GATAD2A: variants seen among roughly 807,000 people sequenced by gnomAD.
GATAD2A encodes transcriptional repressor p66-alpha.
A neutral mutation model predicts 68.5 loss-of-function variants in GATAD2A; 12 were observed. The ratio of observed to expected loss-of-function variants is 0.18; its 90% CI spans 0.11 to 0.28. The LOEUF (loss-of-function observed/expected upper bound fraction) is 0.28. Ranked by LOEUF, GATAD2A falls within the 10% of genes least tolerant of loss-of-function variation. The pLI is 1.00. For synonymous variants in GATAD2A, 410 were observed against 375.3 expected, an observed-to-expected ratio of 1.09 and a Z score of -1.07; for missense variants, 755 against 868.5, an observed-to-expected ratio of 0.87 and a Z score of 1.64.
intron 1 of GATAD2A, among the ~76,000 whole-genome samples, chr19:19,386,800 C>T (rs1404811454): frequency 1.3e-5 from 2 of 152,048 alleles, no homozygotes; most frequent in East Asian, 2.0e-4. Flanking sequence ...CTGAGGAATC[C>T]TGCCTTTGAC....
intron 1 of GATAD2A, among the ~76,000 whole-genome samples, chr19:19,415,454 C>CA (rs2051491196): frequency 7.2e-6 from 1 of 138,606 alleles, no homozygotes; most frequent in Non-Finnish European, 1.6e-5. Flanking sequence ...CACGCCCAGC[C>CA]TTTTTTTTTT....
chr19:19,421,599 T>TTGCC (rs1443215610), intron 1 of GATAD2A, among the ~76,000 whole-genome samples: 1 of 152,134 alleles, frequency 6.6e-6, no homozygotes, highest in Non-Finnish European at 1.5e-5. Flanking sequence ...CTGTGTTTGT[T>TTGCC]TGCCTGCCTG....
At chr19:19,456,988 G>T (rs2056992813) in intron 1 of GATAD2A, 2 of 474,530 alleles carry the variant, frequency 4.2e-6, no homozygotes, top group Non-Finnish European at 5.5e-6. Flanking sequence ...AGATCCCCAT[G>T]CTTCTATTAA....
intron 1 of GATAD2A, among the ~76,000 whole-genome samples, chr19:19,455,672 T>A (rs1430952676): frequency 6.6e-6 from 1 of 152,208 alleles, no homozygotes; most frequent in Non-Finnish European, 1.5e-5. Context: ...GGTTGTATGC[T>A]AATACTACAC....
At chr19:19,415,958 G>T (rs998614481) in intron 1 of GATAD2A, among the ~76,000 whole-genome samples, 2 of 150,976 alleles carry the variant, frequency 1.3e-5, no homozygotes, top group Admixed American at 6.6e-5. Context: ...TCCCTGTATG[G>T]TTTTTTTTCC....
chr19:19,498,549 G>C lies in GATAD2A; in HGVS notation c.1031G>C (p.Arg344Pro), dbSNP rs1008975400. 1 of 1,613,792 alleles carries C rather than the reference G, an allele frequency of 6.2e-7. No individual in the cohort carries two copies. Reference sequence around the variant, plus strand: ...ACCTCTGCCGAGTCTCCAGCAAGCCGACAGGCGGCCGCCAAGCTGGCGCTG... The same window carrying C: ...ACCTCTGCCGAGTCTCCAGCAAGCCCACAGGCGGCCGCCAAGCTGGCGCTG... ...VVTSAESPASRQAAAKLALRK... is the reference protein window; with the variant it reads ...VVTSAESPASPQAAAKLALRK... The change falls in exon 8 of 12, where the codon CGA becomes CCA. Residue 344 changes from arginine to proline, a missense_variant. Arg to Pro is a moderately radical substitution (Grantham distance 103). Coordinates refer to ENST00000683918, the MANE Select transcript of GATAD2A (RefSeq NM_001384528.1).
At chr19:19,483,476 A>G (rs2059197378) in intron 2 of GATAD2A, among the ~76,000 whole-genome samples, 2 of 152,286 alleles carry the variant, frequency 1.3e-5, no homozygotes, top group South Asian at 2.1e-4. Context: ...CTCAAGTTAC[A>G]TGGCGGGAGA....
intron 1 of GATAD2A, among the ~76,000 whole-genome samples, chr19:19,390,603 G>A (rs1003063555): frequency 1.3e-5 from 2 of 152,112 alleles, no homozygotes; most frequent in Non-Finnish European, 2.9e-5. Flanking sequence ...CTGTAAAATG[G>A]GGTAATTTGT....
chr19:19,453,979 T>A (rs2056665516), intron 1 of GATAD2A, among the ~76,000 whole-genome samples: 1 of 148,482 alleles, frequency 6.7e-6, no homozygotes, highest in African/African-American at 2.5e-5. Context: ...TTGTGTTTTT[T>A]TTTTTTTGTT....
chr19:19,429,150 G>A lies in GATAD2A; in HGVS notation c.-7+23131G>A, dbSNP rs1012210439. The A allele has an allele frequency of 1.7e-5, 17 of 979,518 alleles. No homozygotes were observed. In the Admixed American group the frequency reaches 3.1e-4, roughly 18 times the overall value. 60.7% of individuals were successfully genotyped at this position (979,518 alleles called of 1,614,324 possible). ...GTGTTAGATGAGGTGATGCGCAAGC[G>A]CCTTGTGTCCATGGAGCATGGAGCC... On this transcript the variant is annotated intron_variant, in intron 1 of 11. Transcript: ENST00000683918.
Position 19,505,726 on chromosome 19 carries a change from TTC to T in GATAD2A, c.*258_*259del, listed in dbSNP as rs927861878. Reference sequence around the variant, plus strand: ...GACCTTTCCCGTGGGCTTTCTTCCTTTCTCTCTTTGCCTTTAGTTTGCCCGAC... The same window carrying T: ...GACCTTTCCCGTGGGCTTTCTTCCTTTCTCTTTGCCTTTAGTTTGCCCGAC... On this transcript the variant is annotated 3_prime_UTR_variant, in exon 12 of 12. Coordinates refer to ENST00000683918, the MANE Select transcript of GATAD2A (RefSeq NM_001384528.1). 3.0e-5 allele frequency: 14 copies of T among 471,236 alleles called. No homozygotes were observed. The highest frequency in any genetic ancestry group is 4.8e-5 in the Non-Finnish European group (13 of 269,992). The allele number at this position is 471,236 out of a possible 1,614,324, so 29.2% of individuals were successfully genotyped here.
intron 1 of GATAD2A, among the ~76,000 whole-genome samples, chr19:19,464,009 C>T (rs889097133): frequency 1.3e-5 from 2 of 152,220 alleles, no homozygotes; most frequent in Non-Finnish European, 2.9e-5. Context: ...CTCTGGAGTG[C>T]GTCCCATGGA....
At chr19:19,473,620 G>A (rs1014854362) in intron 2 of GATAD2A, among the ~76,000 whole-genome samples, 2 of 151,988 alleles carry the variant, frequency 1.3e-5, no homozygotes. Flanking sequence ...CACCCACCAC[G>A]GTGAGCATGC....
upstream of GATAD2A, among the ~76,000 whole-genome samples, chr19:19,404,578 A>T (rs1439919483): frequency 1.3e-5 from 2 of 152,056 alleles, no homozygotes; most frequent in Non-Finnish European, 2.9e-5. Context: ...GCTACTGGGG[A>T]GGCTGAGGCA....
At chr19:19,472,109 C>G (rs1402016494) in intron 2 of GATAD2A, among the ~76,000 whole-genome samples, 1 of 152,172 alleles carries the variant, frequency 6.6e-6, no homozygotes, top group Non-Finnish European at 1.5e-5. Flanking sequence ...GTTCCCCAGA[C>G]TGGTCCTGAA....
chr19:19,487,382 G>T (rs1313989754), intron 2 of GATAD2A, among the ~76,000 whole-genome samples: 1 of 151,994 alleles, frequency 6.6e-6, no homozygotes, highest in Non-Finnish European at 1.5e-5. Context: ...TGTCAGACAG[G>T]TGCTGACATG....
At position 19,498,503 on chromosome 19, in the gene GATAD2A, A is replaced by T; in HGVS notation, c.985A>T (p.Thr329Ser). The change falls in exon 8 of 12, where the codon ACT (threonine) becomes TCT (serine). Residue 329 changes from threonine (T) to serine (S), a missense_variant. Coordinates refer to ENST00000683918, the MANE Select transcript of GATAD2A (RefSeq NM_001384528.1). Reference sequence around the variant, plus strand: ...CTCCGCTCAGGCCAACTCCACCCCCACTAGTGTGGCCTCTGTGGTCACCTC... The same window carrying T: ...CTCCGCTCAGGCCAACTCCACCCCCTCTAGTGTGGCCTCTGTGGTCACCTC... ...ATSAQANSTP[T>S]SVASVVTSAE... 1 of 1,613,568 alleles carries T rather than the reference A, an allele frequency of 6.2e-7. No homozygotes were observed. Among genetic ancestry groups the T allele is most frequent in the South Asian group, 1.1e-5 (1 of 91,066 alleles).
intron 1 of GATAD2A, among the ~76,000 whole-genome samples, chr19:19,460,280 C>A (rs2057312944): frequency 6.6e-6 from 1 of 152,196 alleles, no homozygotes; most frequent in African/African-American, 2.4e-5. Flanking sequence ...AGAGGCCCAT[C>A]TGTGCTGTGC....
At chr19:19,434,613 G>A (rs551803320) in intron 1 of GATAD2A, among the ~76,000 whole-genome samples, 24 of 152,310 alleles carry the variant, frequency 1.6e-4, no homozygotes, top group Admixed American at 9.8e-4. Flanking sequence ...AGGTGATGTT[G>A]ACACTATTTG....
Sources: gnomAD v4.1 joint callset for allele counts (sites outside exome capture counted in the v4.1 genomes callset) on GRCh38, gnomAD v4.1.1 for gene constraint, MANE v1.5 for transcripts, NCBI Gene and HGNC (gene_info 2026-07-23, HGNC 2026-07-21) for gene names.